Variants in ROCK1 observed in about 807,000 individuals in gnomAD.
ROCK1 encodes Rho associated coiled-coil containing protein kinase 1, also known as rho-associated protein kinase 1.
A neutral mutation model predicts 196.8 loss-of-function variants in ROCK1; 36 were observed. That is an observed-to-expected ratio of 0.18 (90% CI 0.14 to 0.24). ROCK1 has a LOEUF of 0.24. Among genes scored for constraint, ROCK1 ranks in the 10% least tolerant of loss-of-function variants. The pLI is 1.00. For synonymous variants in ROCK1, 443 were observed against 515.9 expected (o/e 0.86, Z 1.91); for missense variants, 920 against 1,562.0 (o/e 0.59, Z 6.93).
intron 26 of ROCK1, 22 bp from the exon 27 acceptor site, chr18:20,967,098 AT>A (rs759824903): frequency 6.5e-7 from 1 of 1,537,820 alleles, no homozygotes; most frequent in South Asian, 1.2e-5. Context: ...AAGTATCAAG[AT>A]AATATAATCA....
intron 32 of ROCK1, among the ~76,000 whole-genome samples, chr18:20,951,985 C>A (rs1431811629): frequency 6.6e-6 from 1 of 152,146 alleles, no homozygotes; most frequent in Non-Finnish European, 1.5e-5. Context: ...GGTTTCCAAT[C>A]CATTGGCTGT....
intron 2 of ROCK1, among the ~76,000 whole-genome samples, chr18:21,050,430 C>A (rs1161847012): frequency 6.6e-6 from 1 of 151,486 alleles, no homozygotes; most frequent in Non-Finnish European, 1.5e-5. Flanking sequence ...TAGATTTTAA[C>A]TTGAAACACA....
chr18:21,038,303 A>C (rs2036074894), intron 9 of ROCK1, among the ~76,000 whole-genome samples: 2 of 152,142 alleles, frequency 1.3e-5, no homozygotes, highest in Non-Finnish European at 2.9e-5. Context: ...ATTGCTAATA[A>C]AATTCTCCCA....
chr18:21,022,115 C>T (rs1568385800), intron 11 of ROCK1, among the ~76,000 whole-genome samples: 2 of 151,434 alleles, frequency 1.3e-5, no homozygotes, highest in Non-Finnish European at 2.9e-5. Context: ...TCTTCCTCTC[C>T]TCTGTTAAAA....
chr18:21,083,200 GACATCCTATGTTCATGGACTGGAAAAA>G (rs2036496776), intron 1 of ROCK1, among the ~76,000 whole-genome samples: 1 of 152,056 alleles, frequency 6.6e-6, no homozygotes, highest in Admixed American at 6.6e-5. Context: ...TAAATGAAAA[GACATCCTATGTTCATGGACTGGAAAAA>G]ATATTTTTTT....
intron 8 of ROCK1, 143 bp from the exon 9 acceptor site, chr18:21,039,706 T>A (rs1231903307): frequency 5.1e-6 from 3 of 583,814 alleles, no homozygotes; most frequent in Non-Finnish European, 9.1e-6. Context: ...CAGCATAGTA[T>A]CAGCCCAAAT....
rs1478682213 is a variant in ROCK1 at position 20,955,268 on chromosome 18, C to T, written c.3513-23G>A. On this transcript the variant is annotated intron_variant, in intron 29 of 32. Coordinates refer to ENST00000399799, the MANE Select transcript of ROCK1 (RefSeq NM_005406.3). Reference sequence around the variant, plus strand: ...TTACTAAAATGAAAATAAATACAGGCCATTTACAAAAACTCATTTATTGTA... The same window carrying T: ...TTACTAAAATGAAAATAAATACAGGTCATTTACAAAAACTCATTTATTGTA... The T allele has an allele frequency of 7.6e-6, 12 of 1,577,028 alleles. No homozygotes were observed. In the East Asian group the frequency reaches 2.5e-4, roughly 33 times the overall value.
intron 2 of ROCK1, among the ~76,000 whole-genome samples, chr18:21,059,440 G>A (rs1360371231): frequency 6.6e-6 from 1 of 151,994 alleles, no homozygotes; most frequent in Non-Finnish European, 1.5e-5. Context: ...CTATTACGTT[G>A]TATGTCCCCA....
chr18:21,081,319 A>G (rs1431308191), intron 1 of ROCK1, among the ~76,000 whole-genome samples: 5 of 152,280 alleles, frequency 3.3e-5, no homozygotes, highest in Admixed American at 1.3e-4. Flanking sequence ...ACAAATGAAA[A>G]TGAAAATACA....
At position 21,104,869 on chromosome 18, in the gene ROCK1, C is replaced by T. The variant is rs8085986; in HGVS notation, c.93+5949G>A. ...AATAAACAGTCTCTAAAAGATCTTC[C>T]CCATTTATTGAATCTATTAATAAAT... On this transcript the variant is annotated intron_variant, in intron 1 of 32. Coordinates refer to ENST00000399799, the MANE Select transcript of ROCK1 (RefSeq NM_005406.3). 8.6e-3 allele frequency among the ~76,000 whole-genome samples: 1,305 copies of T among 152,220 alleles called. 21 individuals are homozygous for T. The highest frequency in any genetic ancestry group is 0.03 in the African/African-American group (1,235 of 41,502).
intron 4 of ROCK1, 73 bp downstream of exon 4, chr18:21,049,019 C>T: frequency 7.5e-7 from 1 of 1,332,924 alleles, no homozygotes; most frequent in Non-Finnish European, 9.8e-7. Context: ...TATTCTAAAA[C>T]ACAAACTAAG....
intron 1 of ROCK1, among the ~76,000 whole-genome samples, chr18:21,088,110 C>T (rs576925172): frequency 6.6e-6 from 1 of 152,112 alleles, no homozygotes; most frequent in Non-Finnish European, 1.5e-5. Context: ...ATACATTGAA[C>T]TGAATGAAAA....
At position 20,979,939 on chromosome 18, in the gene ROCK1, T is replaced by C. The variant is rs1172294445; in HGVS notation, c.2625A>G (p.Leu875=). Reference sequence around the variant, plus strand: ...CATTTTGTAGTTCCTGTATTTTCTTTAAATTTTCTCTGTTTTTTTCTTCAA... The same window carrying C: ...CATTTTGTAGTTCCTGTATTTTCTTCAAATTTTCTCTGTTTTTTTCTTCAA... The part of the protein sequence containing the change: ...EEIEEKNREN[L]KKIQELQNEK... The change falls in exon 22 of 33, where the codon TTA becomes TTG. Residue 875 remains leucine (L), a synonymous_variant. Transcript: ENST00000399799. 1.3e-6 allele frequency: 2 copies of C among 1,545,494 alleles called. No homozygotes were observed. The highest frequency in any genetic ancestry group is 1.2e-5 in the South Asian group (1 of 82,456).
At chr18:21,060,627 G>C (rs1485543748) in intron 2 of ROCK1, among the ~76,000 whole-genome samples, 2 of 152,078 alleles carry the variant, frequency 1.3e-5, no homozygotes, top group African/African-American at 4.8e-5. Context: ...AGCACCTGAG[G>C]TCGGGAATTT....
intron 11 of ROCK1, among the ~76,000 whole-genome samples, 182 bp downstream of exon 11, chr18:21,023,438 C>T (rs1171061885): frequency 6.6e-6 from 1 of 151,998 alleles, no homozygotes; most frequent in Non-Finnish European, 1.5e-5. Flanking sequence ...TATATTATTC[C>T]ATTTGATATT....
intron 1 of ROCK1, among the ~76,000 whole-genome samples, chr18:21,089,426 T>C (rs1002213301): frequency 2.0e-5 from 3 of 152,208 alleles, no homozygotes; most frequent in African/African-American, 7.2e-5. Context: ...CTTTAGCATC[T>C]AGCTTAATAG....
chr18:21,101,119 TG>T (rs1469119564), intron 1 of ROCK1, among the ~76,000 whole-genome samples: 2 of 152,352 alleles, frequency 1.3e-5, no homozygotes, highest in Middle Eastern at 3.4e-3. Flanking sequence ...TTTCATGAAT[TG>T]GATTTCATGG....
chr18:21,105,356 A>C (rs937197424), intron 1 of ROCK1, among the ~76,000 whole-genome samples: 6 of 152,198 alleles, frequency 3.9e-5, no homozygotes, highest in Non-Finnish European at 8.8e-5. Flanking sequence ...ACATCCAAAA[A>C]AGTCTGGTCC....
intron 1 of ROCK1, among the ~76,000 whole-genome samples, chr18:21,071,817 T>C (rs1598552101): frequency 6.6e-6 from 1 of 152,208 alleles, no homozygotes; most frequent in Non-Finnish European, 1.5e-5. Flanking sequence ...CATGATACCG[T>C]TGGGAGAACA....
Sources: allele counts gnomAD v4.1 joint callset (sites outside exome capture counted in the v4.1 genomes callset), GRCh38; gene constraint gnomAD v4.1.1; transcripts MANE v1.5; gene names NCBI Gene and HGNC (gene_info 2026-07-23, HGNC 2026-07-21).